Variants in ATP2A2 observed in about 807,000 individuals in gnomAD.
The protein encoded by ATP2A2 is ATPase sarcoplasmic/endoplasmic reticulum Ca2+ transporting 2.
ATP2A2 carries 14 observed loss-of-function variants against 109.3 expected under a neutral mutation model. The observed-to-expected ratio is 0.13, with a 90% CI of 0.08 to 0.20. The LOEUF (loss-of-function observed/expected upper bound fraction) is 0.20, where lower values mean the gene tolerates loss of function less well. Among genes scored for constraint, ATP2A2 ranks in the 10% least tolerant of loss-of-function variants. ATP2A2 has a pLI of 1.00. For missense variants in ATP2A2, 657 were observed against 1,321.6 expected (o/e 0.50, Z 7.80); for synonymous variants, 506 against 490.9 (o/e 1.03, Z -0.41).
At chr12:110,322,894 T>G in intron 5 of ATP2A2, 98 bp from the exon 6 acceptor site, 1 of 910,532 alleles carries the variant, frequency 1.1e-6, no homozygotes, top group Non-Finnish European at 1.8e-6. Context: ...TGCAGATCAT[T>G]TATTTTCTTT....
At chr12:110,289,189 CA>C (rs1872993601) in intron 3 of ATP2A2, among the ~76,000 whole-genome samples, 1 of 152,212 alleles carries the variant, frequency 6.6e-6, no homozygotes, top group Non-Finnish European at 1.5e-5. Context: ...CCCACTTTAA[CA>C]AGGTGTGAAG....
At chr12:110,293,530 G>A (rs1343209443) in intron 4 of ATP2A2, among the ~76,000 whole-genome samples, 1 of 151,616 alleles carries the variant, frequency 6.6e-6, no homozygotes, top group Non-Finnish European at 1.5e-5. Context: ...GGGTAGCTGG[G>A]ATTACAGGCA....
chr12:110,314,591 A>AC (rs1257802746), intron 5 of ATP2A2, among the ~76,000 whole-genome samples: 1 of 152,182 alleles, frequency 6.6e-6, no homozygotes, highest in Non-Finnish European at 1.5e-5. Context: ...GTGGCCTTGA[A>AC]CAAGTACCTT....
At position 110,342,362 on chromosome 12, in the gene ATP2A2, T is replaced by C; in HGVS notation, c.2232T>C (p.Ala744=). ...ATGACAACTTCTCCACCATTGTGGCTGCCGTTGAGGAGGGGCGGGCAATCT... is the reference window on the plus strand; with the variant it reads ...ATGACAACTTCTCCACCATTGTGGCCGCCGTTGAGGAGGGGCGGGCAATCT... ...LADDNFSTIV[A]AVEEGRAIYN... The change falls in exon 15 of 20, where the codon GCT becomes GCC. Residue 744 remains alanine (A), a synonymous_variant. Transcript: ENST00000539276. The surrounding 1 kb of genome is among the most constrained non-coding windows in gnomAD (Gnocchi z 4.6). The C allele has an allele frequency of 1.2e-6, 2 of 1,614,234 alleles. No homozygotes were observed. The highest frequency in any genetic ancestry group is 8.5e-7 in the Non-Finnish European group (1 of 1,180,040).
At chr12:110,289,012 A>C (rs78496011) in intron 3 of ATP2A2, among the ~76,000 whole-genome samples, 2 of 152,316 alleles carry the variant, frequency 1.3e-5, no homozygotes, top group South Asian at 4.1e-4. Context: ...ACTGCCCGAC[A>C]TGATCTGATA....
At position 110,292,670 on chromosome 12, in the gene ATP2A2, T is replaced by C. The variant is rs568899330; in HGVS notation, c.324+546T>C. Among the ~76,000 whole-genome samples, 17 of 152,274 alleles carry C rather than the reference T, an allele frequency of 1.1e-4. 1 individual carries two copies. The highest frequency in any genetic ancestry group is 3.8e-4 in the African/African-American group (16 of 41,560). ...AGTGTGGTGGCACCAGCCTGTAGTC[T>C]CAGCTACTCAGGAGGCTGAGGTGGG... On this transcript the variant is annotated intron_variant, in intron 4 of 19. Transcript: ENST00000539276.
intron 16 of ATP2A2, among the ~76,000 whole-genome samples, chr12:110,343,743 G>A (rs1428372208): frequency 2.6e-5 from 4 of 152,204 alleles, no homozygotes; most frequent in Admixed American, 6.5e-5. Context: ...TGCCTTCCAA[G>A]AGTTCATAGG....
intron 4 of ATP2A2, among the ~76,000 whole-genome samples, chr12:110,293,062 T>C (rs1215468254): frequency 6.6e-6 from 1 of 152,160 alleles, no homozygotes; most frequent in East Asian, 1.9e-4. Flanking sequence ...AATCACCCCT[T>C]TGAGGACTGA....
chr12:110,292,107 A>G lies in ATP2A2; in HGVS notation c.307A>G (p.Ile103Val), dbSNP rs376143339. 4.3e-5 allele frequency: 70 copies of G among 1,613,950 alleles called. No individual in the cohort carries two copies. Among genetic ancestry groups the G allele is most frequent in the Non-Finnish European group, 5.0e-5 (59 of 1,179,934 alleles). The change falls in exon 4 of 20, where the codon ATT becomes GTT. Residue 103 changes from isoleucine to valine, a missense_variant. Around this residue, in one of 9 missense-constraint regions of ATP2A2, gnomAD observed 136 missense variants for 343.9 expected, o/e 0.40. Coordinates refer to ENST00000539276, the MANE Select transcript of ATP2A2 (RefSeq NM_170665.4). ...TTTACTCATATTAGTAGCCAATGCA[A>G]TTGTGGGTGTATGGCAGGTAAGCAA... ...VILLILVANA[I>V]VGVWQERNAE...
intron 5 of ATP2A2, among the ~76,000 whole-genome samples, chr12:110,304,247 C>G (rs983217452): frequency 6.6e-6 from 1 of 152,284 alleles, no homozygotes; most frequent in East Asian, 1.9e-4. Flanking sequence ...CTTGTACATA[C>G]ATGCTTGTAC....
chr12:110,307,533 A>G (rs960837730), intron 5 of ATP2A2, among the ~76,000 whole-genome samples: 2 of 152,116 alleles, frequency 1.3e-5, no homozygotes, highest in African/African-American at 2.4e-5. Flanking sequence ...CGTGCCCAGC[A>G]ATAATAGTCA....
At chr12:110,309,536 A>G (rs1212619735) in intron 5 of ATP2A2, among the ~76,000 whole-genome samples, 1 of 152,196 alleles carries the variant, frequency 6.6e-6, no homozygotes, top group East Asian at 1.9e-4. Flanking sequence ...AGCAAATGCT[A>G]ATGTGAGTCT....
chr12:110,317,811 C>G (rs1286771212), intron 5 of ATP2A2, among the ~76,000 whole-genome samples: 1 of 152,126 alleles, frequency 6.6e-6, no homozygotes, highest in East Asian at 1.9e-4. Flanking sequence ...TGAACTCTTA[C>G]TTGAACTCTT....
At chr12:110,295,040 C>T (rs768127685) in intron 4 of ATP2A2, among the ~76,000 whole-genome samples, 15 of 152,166 alleles carry the variant, frequency 9.9e-5, no homozygotes, top group South Asian at 4.1e-4. Context: ...GCTGGTCTCG[C>T]ACTCCCAACC....
intron 3 of ATP2A2, among the ~76,000 whole-genome samples, chr12:110,290,667 C>T (rs1873166292): frequency 6.6e-6 from 1 of 152,112 alleles, no homozygotes; most frequent in African/African-American, 2.4e-5. Flanking sequence ...TGCAGTGGTG[C>T]GATCTCAGCT....
At chr12:110,319,689 A>G (rs143155449) in intron 5 of ATP2A2, among the ~76,000 whole-genome samples, 279 of 150,378 alleles carry the variant, frequency 1.9e-3, no homozygotes, top group Non-Finnish European at 3.6e-3. Flanking sequence ...TATTTATACT[A>G]TAGGACCAAT....
At chr12:110,326,050 G>T in intron 6 of ATP2A2, 2 of 328,764 alleles carry the variant, frequency 6.1e-6, no homozygotes, top group Non-Finnish European at 5.9e-6. Flanking sequence ...ACAAATATAT[G>T]TAAATAATAC....
chr12:110,296,542 A>T, intron 4 of ATP2A2, 57 bp from the exon 5 acceptor site: 3 of 1,606,458 alleles, frequency 1.9e-6, no homozygotes, highest in Non-Finnish European at 2.6e-6. Context: ...TCCTTGGGTT[A>T]GAAATAATTG....
chr12:110,326,085 G>T (rs1384808649), intron 6 of ATP2A2: 7 of 416,602 alleles, frequency 1.7e-5, no homozygotes, highest in Admixed American at 7.1e-5. Flanking sequence ...AGTATAAAAT[G>T]ATTACTGAAA....
Sources: gnomAD v4.1 joint callset for allele counts (sites outside exome capture counted in the v4.1 genomes callset) on GRCh38, gnomAD v4.1.1 for gene constraint, gnomAD v4.1.1 regional missense constraint, Gnocchi (gnomAD v3.1) non-coding constraint, MANE v1.5 for transcripts, NCBI Gene and HGNC (gene_info 2026-07-23, HGNC 2026-07-21) for gene names.